ZBTB26: variants seen among roughly 807,000 people sequenced by gnomAD.
ZBTB26 encodes zinc finger and BTB domain containing 26.
A neutral mutation model predicts 31.6 loss-of-function variants in ZBTB26; 12 were observed. The ratio of observed to expected loss-of-function variants is 0.38; its 90% CI spans 0.24 to 0.61. The LOEUF (loss-of-function observed/expected upper bound fraction) is 0.61. Among genes scored for constraint, ZBTB26 ranks in the 20% least tolerant of loss-of-function variants. The pLI, the probability that ZBTB26 is intolerant of heterozygous loss-of-function variation, is 0.60. For missense variants in ZBTB26, 311 were observed against 521.9 expected (o/e 0.60, Z 3.94); for synonymous variants, 155 against 182.9 (o/e 0.85, Z 1.23).
At chr9:122,925,894 G>A (rs889032767) in intron 1 of ZBTB26, among the ~76,000 whole-genome samples, 74 of 151,538 alleles carry the variant, frequency 4.9e-4, no homozygotes, top group African/African-American at 1.7e-3. Context: ...CCCAGTAGCT[G>A]GGATTACAGG....
intron 1 of ZBTB26, among the ~76,000 whole-genome samples, chr9:122,923,123 G>A (rs573948840): frequency 1.3e-5 from 2 of 148,446 alleles, no homozygotes; most frequent in Non-Finnish European, 3.0e-5. Context: ...GGTGGAGGTT[G>A]CAGTGAGCCG....
chr9:122,929,123 G>A (rs1240798075), intron 1 of ZBTB26, among the ~76,000 whole-genome samples: 1 of 152,184 alleles, frequency 6.6e-6, no homozygotes, highest in Non-Finnish European at 1.5e-5. Flanking sequence ...ATGATCATGA[G>A]TCTGGTCTTG....
chr9:122,926,882 T>C (rs541188662), intron 1 of ZBTB26, among the ~76,000 whole-genome samples: 1 of 152,332 alleles, frequency 6.6e-6, no homozygotes, highest in African/African-American at 2.4e-5. Flanking sequence ...ATTATGAATA[T>C]ATTTGATTTC....
At position 122,919,449 on chromosome 9, in the gene ZBTB26, G is replaced by A; in HGVS notation, c.486C>T (p.Asp162=). 1.2e-6 allele frequency: 2 copies of A among 1,614,180 alleles called. No homozygotes were observed. The highest frequency in any genetic ancestry group is 1.7e-6 in the Non-Finnish European group (2 of 1,180,030). The change falls in exon 2 of 2, where the codon GAC becomes GAT. Residue 162 remains aspartate, a synonymous_variant. Transcript: ENST00000373656. This position sits in a 1 kb window ranked among gnomAD's most constrained non-coding sequence, Gnocchi z 6.1. ...QGDARGSPKQ[D]SPCIHPSEDS... ...CTTCAGATGGATGAATACAAGGTGA[G>A]TCCTGCTTTGGGGAGCCTCTGGCAT...
chr9:122,927,351 T>C (rs950551216), intron 1 of ZBTB26, among the ~76,000 whole-genome samples: 1 of 152,212 alleles, frequency 6.6e-6, no homozygotes, highest in African/African-American at 2.4e-5. Flanking sequence ...GGTGGGACAA[T>C]GTAAATTGCT....
rs1288214695 is a variant in ZBTB26 at position 122,918,928 on chromosome 9, GA to G, written c.1006del (p.Ser336LeufsTer34). 1 of 1,614,106 alleles carries G rather than the reference GA, an allele frequency of 6.2e-7. No homozygotes were observed. The highest frequency in any genetic ancestry group is 8.5e-7 in the Non-Finnish European group (1 of 1,180,048). On this transcript the variant is annotated frameshift_variant, in exon 2 of 2. Coordinates refer to ENST00000373656, the MANE Select transcript of ZBTB26 (RefSeq NM_020924.4). LOFTEE classifies it high-confidence loss of function. ...ATGATCCTGTAAGGAACACTTCTGA[GA>G]AAAGGTTTTCCCACAGATTTTACAC... ...FQCKICGKTF[S>X]QKCSLQDHLN... is the part of the protein sequence containing the mutation.
At position 122,915,931 on chromosome 9, in the gene ZBTB26, A is replaced by C. The variant is rs1397401855; in HGVS notation, c.*2678T>G. 6.6e-6 allele frequency: 1 copy of C among 152,206 alleles called. No individual in the cohort carries two copies. The allele number at this position is 152,206 out of a possible 1,614,324, so 9.4% of individuals were successfully genotyped here. ...ATAAAATACAAATGCTGAATGATAA[A>C]GGTTTTAAAAATCTTCCTCCTCTAC... On this transcript the variant is annotated 3_prime_UTR_variant, in exon 2 of 2. Transcript: ENST00000373656.
intron 1 of ZBTB26, among the ~76,000 whole-genome samples, chr9:122,921,784 A>G (rs996834280): frequency 1.3e-5 from 2 of 152,164 alleles, no homozygotes; most frequent in African/African-American, 2.4e-5. Context: ...ATACAAAATT[A>G]GCTGGGCGTA....
chr9:122,916,779 A>G lies in ZBTB26; in HGVS notation c.*1830T>C, dbSNP rs961441251. 2 of 152,240 alleles carry G rather than the reference A, an allele frequency of 1.3e-5. No individual in the cohort carries two copies. Among genetic ancestry groups the G allele is most frequent in the African/African-American group, 4.8e-5 (2 of 41,472 alleles). 9.4% of individuals were successfully genotyped at this position (152,240 alleles called of 1,614,324 possible). ...AATATTTGAACAAAAGACAAAAATCATACTTCACATCTGACTCACATGATG... is the reference window on the plus strand; with the variant it reads ...AATATTTGAACAAAAGACAAAAATCGTACTTCACATCTGACTCACATGATG... On this transcript the variant is annotated 3_prime_UTR_variant, in exon 2 of 2. Transcript: ENST00000373656.
chr9:122,919,267 G>C lies in ZBTB26; in HGVS notation c.668C>G (p.Ser223Ter). ...TTCACTTACTCTGTTTTCCACAGTT[G>C]AATTTATCAGGGAGTGCTGGGGCTC... is the stretch of plus-strand genomic sequence containing the variant. Reference protein sequence around the residue: ...SSEPQHSLINSTVENRVSEIE... With the variant: ...SSEPQHSLIN Residue 223 changes from serine to a stop codon, truncating the protein, a stop_gained, in exon 2 of 2, where the codon TCA becomes TGA. Coordinates refer to ENST00000373656, the MANE Select transcript of ZBTB26 (RefSeq NM_020924.4). LOFTEE classifies it high-confidence loss of function. This position sits in a 1 kb window ranked among gnomAD's most constrained non-coding sequence, Gnocchi z 6.1. 6.2e-7 allele frequency: 1 copy of C among 1,614,200 alleles called. No homozygotes were observed.
chr9:122,928,795 T>C (rs947909775), intron 1 of ZBTB26, among the ~76,000 whole-genome samples: 2 of 152,240 alleles, frequency 1.3e-5, no homozygotes, highest in Non-Finnish European at 2.9e-5. Flanking sequence ...AAATGCATGA[T>C]GCCTGCACTC....
Position 122,917,857 on chromosome 9 carries a change from T to G in ZBTB26, c.*752A>C, listed in dbSNP as rs576835906. On this transcript the variant is annotated 3_prime_UTR_variant, in exon 2 of 2. Transcript: ENST00000373656. The stretch of plus-strand genomic sequence containing the variant: ...TTAATTATAAGCATATGGCCTCTTA[T>G]GGGACATGCTACCAGAGAAACCGCC... The G allele has an allele frequency of 6.6e-6, 1 of 152,362 alleles. No homozygotes were observed. Among genetic ancestry groups the G allele is most frequent in the African/African-American group, 2.4e-5 (1 of 41,580 alleles). 9.4% of individuals were successfully genotyped at this position (152,362 alleles called of 1,614,324 possible). A position where few individuals can be genotyped will look rare whatever the true frequency, so the allele number is the denominator to read the frequency against.
rs1255881462 is a variant in ZBTB26, at chr9:122,918,897, G to A, written c.1038C>T (p.Asn346=). 3.7e-6 allele frequency: 6 copies of A among 1,614,200 alleles called. No homozygotes were observed. Among genetic ancestry groups the A allele is most frequent in the South Asian group, 2.2e-5 (2 of 91,080 alleles). ...SQKCSLQDHL[N]LHSGDKPHKC... is the part of the protein sequence containing the mutation. ...TATGGGGCTTATCTCCACTGTGAAGGTTAAGATGATCCTGTAAGGAACACT... is the reference window on the plus strand; with the variant it reads ...TATGGGGCTTATCTCCACTGTGAAGATTAAGATGATCCTGTAAGGAACACT... The change falls in exon 2 of 2, where the codon AAC becomes AAT. Residue 346 remains asparagine (N), a synonymous_variant. Coordinates refer to ENST00000373656, the MANE Select transcript of ZBTB26 (RefSeq NM_020924.4).
At position 122,919,369 on chromosome 9, in the gene ZBTB26, C is replaced by G. The variant is rs1833062094; in HGVS notation, c.566G>C (p.Gly189Ala). The change falls in exon 2 of 2, where the codon GGG becomes GCG. Residue 189 changes from glycine to alanine, a missense_variant. Around this residue, in one of 5 missense-constraint regions of ZBTB26, gnomAD observed 207 missense variants for 298.6 expected, o/e 0.69. Coordinates refer to ENST00000373656, the MANE Select transcript of ZBTB26 (RefSeq NM_020924.4). This position sits in a 1 kb window ranked among gnomAD's most constrained non-coding sequence, Gnocchi z 6.1. ...DIQIVKVESI[G>A]DVSEVRSKKD... is the part of the protein sequence containing the mutation. ...TTTACTTCTAACCTCTGATACATCCCCAATAGATTCTACCTTAACAATCTG... is the reference window on the plus strand; with the variant it reads ...TTTACTTCTAACCTCTGATACATCCGCAATAGATTCTACCTTAACAATCTG... 6.2e-7 allele frequency: 1 copy of G among 1,614,008 alleles called. No homozygotes were observed. The highest frequency in any genetic ancestry group is 1.1e-5 in the South Asian group (1 of 91,070).
intron 1 of ZBTB26, among the ~76,000 whole-genome samples, chr9:122,922,146 G>C (rs1333214779): frequency 6.6e-6 from 1 of 152,098 alleles, no homozygotes. Flanking sequence ...GCCAAGGCTG[G>C]AGAATCACTT....
chr9:122,918,710 TAG>T lies in ZBTB26; in HGVS notation c.1223_1224del (p.Ser408Ter), dbSNP rs773993927. 1.9e-5 allele frequency: 30 copies of T among 1,614,186 alleles called. No homozygotes were observed. The highest frequency in any genetic ancestry group is 2.5e-6 in the Non-Finnish European group (3 of 1,180,012). On this transcript the variant is annotated frameshift_variant, in exon 2 of 2. Transcript: ENST00000373656. LOFTEE classifies it high-confidence loss of function. ...DSFACTTVTD[S>X]KGCQPQPDAT... ...GCATCGGGTTGTGGCTGACACCCTT[TAG>T]AGTCTGTGACTGTTGTACATGCAAA...
chr9:122,920,186 C>T (rs1480027644), intron 1 of ZBTB26, among the ~76,000 whole-genome samples: 1 of 152,194 alleles, frequency 6.6e-6, no homozygotes, highest in Non-Finnish European at 1.5e-5. Context: ...AATAGCTTGG[C>T]ATTCGTTCAA....
rs773756143 is a variant in ZBTB26, at chr9:122,919,773, A to G, written c.162T>C (p.Gly54=). The part of the protein sequence containing the change: ...VQGHKIVFAA[G]SPFLRDQFLL... The stretch of plus-strand genomic sequence containing the variant: ...AAAATTGGTCTCTTAAGAAGGGGGA[A>G]CCTGCAGCAAACACAATTTTATGTC... Residue 54 remains glycine (G), a synonymous_variant, in exon 2 of 2, where the codon GGT becomes GGC. Coordinates refer to ENST00000373656, the MANE Select transcript of ZBTB26 (RefSeq NM_020924.4). The surrounding 1 kb of genome is among the most constrained non-coding windows in gnomAD (Gnocchi z 6.1). 1.2e-6 allele frequency: 2 copies of G among 1,614,024 alleles called. No homozygotes were observed. The highest frequency in any genetic ancestry group is 2.7e-5 in the African/African-American group (2 of 74,926).
At chr9:122,922,924 C>A (rs1234268398) in intron 1 of ZBTB26, among the ~76,000 whole-genome samples, 2 of 152,092 alleles carry the variant, frequency 1.3e-5, no homozygotes, top group African/African-American at 4.8e-5. Flanking sequence ...GGCACAGTGG[C>A]TCACACCTGT....
Sources: gnomAD v4.1 joint callset for allele counts (sites outside exome capture counted in the v4.1 genomes callset) on GRCh38, gnomAD v4.1.1 for gene constraint, gnomAD v4.1.1 regional missense constraint, Gnocchi (gnomAD v3.1) non-coding constraint, MANE v1.5 for transcripts, NCBI Gene and HGNC (gene_info 2026-07-23, HGNC 2026-07-21) for gene names.